Variants in CHAF1A observed in about 807,000 individuals in gnomAD.
The protein encoded by CHAF1A is CAF-1 subunit A.
A neutral mutation model predicts 93.2 loss-of-function variants in CHAF1A; 5 were observed. That is an observed-to-expected ratio of 0.05 (90% confidence interval 0.03 to 0.11). The LOEUF (loss-of-function observed/expected upper bound fraction) is 0.11. CHAF1A is among the 10% of genes least tolerant of loss of function. The pLI, the probability that CHAF1A is intolerant of heterozygous loss-of-function variation, is 1.00. For missense variants in CHAF1A, 1,102 were observed against 1,259.9 expected, an observed-to-expected ratio of 0.87 and a Z score of 1.90; for synonymous variants, 504 against 510.3, an observed-to-expected ratio of 0.99 and a Z score of 0.17.
chr19:4,423,984 C>A (rs1200366395), intron 7 of CHAF1A, 110 bp downstream of exon 7: 7 of 931,846 alleles, frequency 7.5e-6, no homozygotes, highest in African/African-American at 6.6e-5. Flanking sequence ...AGGGAGGGAG[C>A]CTCCAGTGAC....
In CHAF1A at chr19:4,402,727, C is replaced by T. The variant is rs1410271546; in HGVS notation, c.-36C>T. On this transcript the variant is annotated 5_prime_UTR_variant, in exon 1 of 15. Transcript: ENST00000301280. The stretch of plus-strand genomic sequence containing the variant: ...GCCGCCTGAGGGGAGCCCGCGCCTC[C>T]GCCGCCTGAGAGGAGGTCGAGCTGC... 3 of 1,193,012 alleles carry T rather than the reference C, an allele frequency of 2.5e-6. No individual in the cohort carries two copies. Among genetic ancestry groups the T allele is most frequent in the Non-Finnish European group, 3.1e-6 (3 of 961,458 alleles). 73.9% of individuals were successfully genotyped at this position (1,193,012 alleles called of 1,614,324 possible).
intron 4 of CHAF1A, among the ~76,000 whole-genome samples, chr19:4,418,485 G>A (rs1056052426): frequency 6.7e-6 from 1 of 148,528 alleles, no homozygotes; most frequent in Non-Finnish European, 1.5e-5. Context: ...GTGCGATCTC[G>A]GCTCACTGCA....
At chr19:4,434,455 A>G (rs1004453328) in intron 13 of CHAF1A, among the ~76,000 whole-genome samples, 8 of 152,096 alleles carry the variant, frequency 5.3e-5, no homozygotes, top group Non-Finnish European at 7.4e-5. Context: ...CTGTGCGTCT[A>G]CCTTTATTGT....
chr19:4,425,212 T>C (rs72988749), intron 7 of CHAF1A, among the ~76,000 whole-genome samples: 3,942 of 152,216 alleles, frequency 0.026, 81 homozygotes, highest in Non-Finnish European at 0.039. Flanking sequence ...CGCATAATAC[T>C]TCATAATGCA....
At chr19:4,435,060 G>A (rs904751368) in intron 13 of CHAF1A, among the ~76,000 whole-genome samples, 2 of 147,838 alleles carry the variant, frequency 1.4e-5, no homozygotes, top group African/African-American at 5.0e-5. Flanking sequence ...GTGTTCGGAA[G>A]TGAGTTTCTC....
intron 2 of CHAF1A, among the ~76,000 whole-genome samples, chr19:4,407,432 C>G (rs1283000262): frequency 6.6e-6 from 1 of 150,518 alleles, no homozygotes; most frequent in Non-Finnish European, 1.5e-5. Flanking sequence ...TGAGAAAAGC[C>G]TAACAGAGCC....
rs376174850 is a variant in CHAF1A, at chr19:4,422,825, C to T, written c.1247+30C>T. 31 of 1,597,394 alleles carry T rather than the reference C, an allele frequency of 1.9e-5. No homozygotes were observed. Among genetic ancestry groups the T allele is most frequent in the African/African-American group, 8.0e-5 (6 of 74,572 alleles). On this transcript the variant is annotated intron_variant, in intron 5 of 14. Coordinates refer to ENST00000301280, the MANE Select transcript of CHAF1A (RefSeq NM_005483.3). This position sits in a 1 kb window ranked among gnomAD's most constrained non-coding sequence, Gnocchi z 4.6. ...GTGTCCTTGGAGGCCATGCTGGGCC[C>T]GCCACCCTGCTGCTGGATTCCGCTC...
At chr19:4,416,370 G>T (rs941581173) in intron 3 of CHAF1A, among the ~76,000 whole-genome samples, 11 of 152,142 alleles carry the variant, frequency 7.2e-5, no homozygotes, top group African/African-American at 2.7e-4. Flanking sequence ...AGGATTCCCT[G>T]CCCCGGTGGG....
downstream of CHAF1A, chr19:4,445,911 G>A: frequency 2.9e-6 from 4 of 1,377,050 alleles, no homozygotes; most frequent in South Asian, 1.4e-5. Context: ...AAGTGGGAAA[G>A]CAGGATTCAA....
downstream of CHAF1A, chr19:4,445,368 C>T (rs59258359): frequency 1.5e-3 from 2,197 of 1,451,158 alleles, 32 homozygotes; most frequent in African/African-American, 0.024. Context: ...CCACGGCTGG[C>T]GCCCCTCCCG....
chr19:4,421,231 TCAG>T (rs750750978), intron 4 of CHAF1A, among the ~76,000 whole-genome samples: 3 of 151,854 alleles, frequency 2.0e-5, no homozygotes, highest in Non-Finnish European at 2.9e-5. Flanking sequence ...GCCACCACAT[TCAG>T]CTAATTTTTT....
Position 4,427,136 on chromosome 19 carries a change from C to CTTTTTTT in CHAF1A, c.1378-1503_1378-1497dup, listed in dbSNP as rs747750687. Among the ~76,000 whole-genome samples the CTTTTTTT allele has an allele frequency of 1.2e-3, 37 of 31,948 alleles. 4 individuals are homozygous for CTTTTTTT. Among genetic ancestry groups the CTTTTTTT allele is most frequent in the African/African-American group, 2.9e-3 (20 of 6,822 alleles). 21.0% of individuals were successfully genotyped at this position (31,948 alleles called of 152,430 possible). On this transcript the variant is annotated intron_variant, in intron 7 of 14. Coordinates refer to ENST00000301280, the MANE Select transcript of CHAF1A (RefSeq NM_005483.3). ...GTGATCTTTCAAAAAAAGACCCTGT[C>CTTTTTTT]TTTTTTTTTTTTTTTTTTTTTTTTT...
At position 4,429,752 on chromosome 19, in the gene CHAF1A, A is replaced by G. The variant is rs771598656; in HGVS notation, c.1818A>G (p.Glu606=). The G allele has an allele frequency of 1.1e-5, 18 of 1,613,906 alleles. No individual in the cohort carries two copies. Among genetic ancestry groups the G allele is most frequent in the Admixed American group, 3.3e-5 (2 of 59,974 alleles). The change falls in exon 10 of 15, where the codon GAA becomes GAG. Residue 606 remains glutamate (E), a synonymous_variant. Transcript: ENST00000301280. ...YEVDSDEEWE[E]EEPGESLSHS... ...TGGACAGTGATGAGGAGTGGGAAGA[A>G]GAGGAGCCTGGGGAGTCCCTGTCCC...
Position 4,431,974 on chromosome 19 carries a change from A to G in CHAF1A, c.1970A>G (p.His657Arg). The G allele has an allele frequency of 1.2e-6, 2 of 1,612,080 alleles. No individual in the cohort carries two copies. The highest frequency in any genetic ancestry group is 1.7e-6 in the Non-Finnish European group (2 of 1,178,420). Residue 657 changes from histidine to arginine, a missense_variant, in exon 12 of 15, where the codon CAT (histidine) becomes CGT (arginine). His to Arg is a conservative substitution (Grantham distance 29). Coordinates refer to ENST00000301280, the MANE Select transcript of CHAF1A (RefSeq NM_005483.3). Reference protein sequence around the residue: ...VTEECADPENHKVRQKLKAKE... With the variant: ...VTEECADPENRKVRQKLKAKE... ...AAGGAGTGTGCCGACCCTGAGAACC[A>G]TAAGGTCCGCCAGAAACTGAAGGCC...
chr19:4,420,487 C>T (rs1973972350), intron 4 of CHAF1A, among the ~76,000 whole-genome samples: 1 of 152,170 alleles, frequency 6.6e-6, no homozygotes, highest in Admixed American at 6.5e-5. Context: ...AAGTAATCCG[C>T]CTGCCTCGGC....
Position 4,408,884 on chromosome 19 carries a change from C to G in CHAF1A, c.104-19C>G, listed in dbSNP as rs1312106553. On this transcript the variant is annotated intron_variant, in intron 2 of 14. Coordinates refer to ENST00000301280, the MANE Select transcript of CHAF1A (RefSeq NM_005483.3). ...AACTTTAAACGTTCACTAGAGATGG[C>G]TTTCTGTCTTTGTTTCAGCCCGTCT... 3.2e-6 allele frequency: 5 copies of G among 1,581,300 alleles called. No individual in the cohort carries two copies. The African/African-American group carries it at 6.8e-5, about 22-fold the overall frequency.
At chr19:4,431,914 A>C (rs752458086) in intron 11 of CHAF1A, 38 bp from the exon 12 acceptor site, 3 of 1,567,808 alleles carry the variant, frequency 1.9e-6, no homozygotes, top group Admixed American at 1.8e-5. Context: ...ATAGGGGAGC[A>C]AGAACCCCAA....
chr19:4,420,630 A>G (rs1429006469), intron 4 of CHAF1A, among the ~76,000 whole-genome samples: 2 of 152,156 alleles, frequency 1.3e-5, no homozygotes, highest in Non-Finnish European at 2.9e-5. Context: ...GTAGTGATGA[A>G]GTGTTACTTC....
chr19:4,421,358 G>GC (rs1338364684), intron 4 of CHAF1A, among the ~76,000 whole-genome samples: 4 of 152,048 alleles, frequency 2.6e-5, no homozygotes, highest in Non-Finnish European at 5.9e-5. Flanking sequence ...ATAGGTGTGA[G>GC]CCCCCTCAGC....
Sources: gnomAD v4.1 joint callset for allele counts (sites outside exome capture counted in the v4.1 genomes callset) on GRCh38, gnomAD v4.1.1 for gene constraint, Gnocchi (gnomAD v3.1) non-coding constraint, MANE v1.5 for transcripts, NCBI Gene and HGNC (gene_info 2026-07-23, HGNC 2026-07-21) for gene names.